Variants in ZNF540 observed in about 807,000 individuals in gnomAD.
The protein encoded by ZNF540 is CTD-3064H18.6.
In ZNF540, 3 loss-of-function variants were observed where a neutral mutation model predicts 11.8. The observed-to-expected ratio is 0.25, with a 90% CI of 0.12 to 0.65. The LOEUF is 0.65. Ranked by LOEUF, ZNF540 falls within the 30% of genes least tolerant of loss-of-function variation. The pLI, the probability that ZNF540 is intolerant of heterozygous loss-of-function variation, is 0.83. For missense variants in ZNF540, 709 were observed against 793.1 expected (o/e 0.89, Z 1.27); for synonymous variants, 247 against 259.0 (o/e 0.95, Z 0.45).
Position 37,612,276 on chromosome 19 carries a change from T to C in ZNF540, c.996T>C (p.Cys332=). The change falls in exon 5 of 5, where the codon TGT becomes TGC. Residue 332 remains cysteine, a synonymous_variant. Transcript: ENST00000316433. ...TGKKPYECKE[C]GKAFSVCGQL... ...AGAAACCCTATGAATGTAAGGAGTGTGGGAAAGCTTTTAGTGTATGCGGAC... is the reference window on the plus strand; with the variant it reads ...AGAAACCCTATGAATGTAAGGAGTGCGGGAAAGCTTTTAGTGTATGCGGAC... 1.2e-6 allele frequency: 2 copies of C among 1,614,034 alleles called. No individual in the cohort carries two copies. Among genetic ancestry groups the C allele is most frequent in the Non-Finnish European group, 1.7e-6 (2 of 1,180,010 alleles).
chr19:37,556,161 T>G, intron 1 of ZNF540: 1 of 701,822 alleles, frequency 1.4e-6, no homozygotes, highest in Non-Finnish European at 2.6e-6. Flanking sequence ...ACGGGCTGGC[T>G]CTGGGAACAG....
rs11540764 is a variant in ZNF540, at chr19:37,566,039, C to T, written c.-73+14374C>T. On this transcript the variant is annotated intron_variant, in intron 1 of 4. Transcript: ENST00000592533. ...CAATTTTTCCTTGGTAGGAATTATCCGATGAAAAGTAGAAGAGGTTGAATG... is the reference window on the plus strand; with the variant it reads ...CAATTTTTCCTTGGTAGGAATTATCTGATGAAAAGTAGAAGAGGTTGAATG... 5.5e-5 allele frequency: 88 copies of T among 1,613,872 alleles called. No individual in the cohort carries two copies. Among genetic ancestry groups the T allele is most frequent in the Middle Eastern group, 1.6e-4 (1 of 6,084 alleles).
At chr19:37,607,303 C>T (rs1242682307) in intron 4 of ZNF540, among the ~76,000 whole-genome samples, 1 of 152,144 alleles carries the variant, frequency 6.6e-6, no homozygotes, top group Non-Finnish European at 1.5e-5. Context: ...AGTTGATAAA[C>T]CTACATTGAC....
chr19:37,609,883 A>G (rs1568368700), intron 4 of ZNF540, among the ~76,000 whole-genome samples: 1 of 152,050 alleles, frequency 6.6e-6, no homozygotes, highest in African/African-American at 2.4e-5. Flanking sequence ...AAAGAAAAGA[A>G]AAAAACAGTA....
intron 1 of ZNF540, among the ~76,000 whole-genome samples, chr19:37,581,018 A>AT (rs991964639): frequency 6.6e-6 from 1 of 152,118 alleles, no homozygotes; most frequent in African/African-American, 2.4e-5. Flanking sequence ...CATCCACATA[A>AT]TTTTTTTCAA....
At chr19:37,605,145 A>G (rs1480665706) in intron 4 of ZNF540, among the ~76,000 whole-genome samples, 1 of 152,114 alleles carries the variant, frequency 6.6e-6, no homozygotes, top group Non-Finnish European at 1.5e-5. Context: ...TGAGGGTGGG[A>G]TTCATGGATT....
At chr19:37,568,214 A>G (rs1166016558) in intron 1 of ZNF540, among the ~76,000 whole-genome samples, 1 of 152,322 alleles carries the variant, frequency 6.6e-6, no homozygotes, top group African/African-American at 2.4e-5. Context: ...AATACACATC[A>G]GTAAGCTCAA....
chr19:37,557,561 C>T (rs1415991281), intron 1 of ZNF540, among the ~76,000 whole-genome samples: 1 of 152,202 alleles, frequency 6.6e-6, no homozygotes, highest in African/African-American at 2.4e-5. Flanking sequence ...GCCTTTCGTA[C>T]TCCCTGCTCG....
chr19:37,594,742 T>A (rs1401316495), upstream of ZNF540: 1 of 152,240 alleles, frequency 6.6e-6, no homozygotes, highest in African/African-American at 2.4e-5. Flanking sequence ...CCCACTCACC[T>A]GGCCGGCGCA....
rs1215943640 is a variant in ZNF540 at position 37,595,102 on chromosome 19, T to A, written c.-73+7T>A. 3 of 152,004 alleles carry A rather than the reference T, an allele frequency of 2.0e-5. No individual in the cohort carries two copies. Among genetic ancestry groups the A allele is most frequent in the African/African-American group, 7.3e-5 (3 of 41,352 alleles). 9.4% of individuals were successfully genotyped at this position (152,004 alleles called of 1,614,324 possible). Reference sequence around the variant, plus strand: ...AGCTGCAAAAGGCTGTCAGGTAAGGTCTGGATTTCTCTCTGACAGCTCTGG... The same window carrying A: ...AGCTGCAAAAGGCTGTCAGGTAAGGACTGGATTTCTCTCTGACAGCTCTGG... On this transcript the variant is annotated splice_region_variant and intron_variant, in intron 1 of 4. Coordinates refer to ENST00000316433, the MANE Select transcript of ZNF540 (RefSeq NM_001172225.3).
rs1568339349 is a variant in ZNF540 at position 37,565,019 on chromosome 19, CCATGAATTTTCTCAT to C, written c.-73+13355_-73+13369del. On this transcript the variant is annotated intron_variant, in intron 1 of 4. Coordinates refer to the ZNF540 transcript ENST00000592533. ...TTCCTTACATTCATAATGTTTCTCA[CCATGAATTTTCTCAT>C]GTTGAGTAAGATATGCAACACGAAT... The C allele has an allele frequency of 5.0e-6, 8 of 1,613,716 alleles. No homozygotes were observed. In the South Asian group the frequency reaches 8.8e-5, roughly 18 times the overall value.
rs544549932 is a variant in ZNF540 at position 37,613,188 on chromosome 19, G to T, written c.1908G>T (p.Glu636Asp). 1.2e-6 allele frequency: 2 copies of T among 1,608,478 alleles called. No homozygotes were observed. Among genetic ancestry groups the T allele is most frequent in the African/African-American group, 2.7e-5 (2 of 74,826 alleles). ...QRIHTGEKPY[E>D]CKVCRKAFRQ... Reference sequence around the variant, plus strand: ...TTCACACTGGTGAGAAACCCTATGAGTGTAAGGTATGTAGAAAGGCCTTTA... The same window carrying T: ...TTCACACTGGTGAGAAACCCTATGATTGTAAGGTATGTAGAAAGGCCTTTA... The change falls in exon 5 of 5, where the codon GAG (glutamate) becomes GAT (aspartate). Residue 636 changes from glutamate to aspartate, a missense_variant. By Grantham distance (45) the Glu-to-Asp change is conservative. Coordinates refer to ENST00000316433, the MANE Select transcript of ZNF540 (RefSeq NM_001172225.3).
rs192029722 is a variant in ZNF540 at position 37,570,426 on chromosome 19, T to C, written c.-73+18761T>C. ...CCTCCACCTCGCTTCACCTAACCTC[T>C]CCCAAGATAGACATAATTATAGCAA... is the stretch of plus-strand genomic sequence containing the variant. On this transcript the variant is annotated intron_variant, in intron 1 of 4. Transcript: ENST00000592533. 1.1e-3 allele frequency among the ~76,000 whole-genome samples: 162 copies of C among 152,118 alleles called. 3 individuals carry two copies. The highest frequency in any genetic ancestry group is 3.8e-3 in the African/African-American group (156 of 41,490).
At position 37,565,047 on chromosome 19, in the gene ZNF540, A is replaced by G. The variant is rs147631241; in HGVS notation, c.-73+13382A>G. 3.7e-6 allele frequency: 6 copies of G among 1,613,664 alleles called. No homozygotes were observed. In the African/African-American group the frequency reaches 6.7e-5, roughly 18 times the overall value. ...TGAATTTTCTCATGTTGAGTAAGATATGCAACACGAATAAAGGCCTTTCCA... is the reference window on the plus strand; with the variant it reads ...TGAATTTTCTCATGTTGAGTAAGATGTGCAACACGAATAAAGGCCTTTCCA... On this transcript the variant is annotated intron_variant, in intron 1 of 4. Transcript: ENST00000592533.
At chr19:37,604,869 T>C (rs2044071116) in intron 4 of ZNF540, among the ~76,000 whole-genome samples, 1 of 152,208 alleles carries the variant, frequency 6.6e-6, no homozygotes, top group Admixed American at 6.5e-5. Flanking sequence ...TTTTCTACAA[T>C]TTCATATCAA....
chr19:37,561,048 CAAAAAAAAAA>C (rs199892724), intron 1 of ZNF540, among the ~76,000 whole-genome samples: 69 of 73,780 alleles, frequency 9.4e-4, no homozygotes, highest in Non-Finnish European at 1.9e-3. Context: ...CCTGTCTCTA[CAAAAAAAAAA>C]AAAAAAAAAA....
chr19:37,589,131 C>T (rs759605268), intron 1 of ZNF540, among the ~76,000 whole-genome samples: 4 of 140,488 alleles, frequency 2.8e-5, no homozygotes, highest in South Asian at 2.3e-4. Context: ...ACCCAGTAGG[C>T]GGAGGTTGCA....
intron 4 of ZNF540, among the ~76,000 whole-genome samples, chr19:37,601,528 T>A (rs992976184): frequency 1.3e-5 from 2 of 152,116 alleles, no homozygotes; most frequent in Non-Finnish European, 2.9e-5. Flanking sequence ...GGCCAAAACC[T>A]CCCTACACTA....
chr19:37,553,522 T>C (rs769920162), intron 1 of ZNF540, among the ~76,000 whole-genome samples: 1 of 152,218 alleles, frequency 6.6e-6, no homozygotes, highest in Non-Finnish European at 1.5e-5. Context: ...CATCTTGCTC[T>C]TTATTCTGTT....
Sources: gnomAD v4.1 joint callset for allele counts (sites outside exome capture counted in the v4.1 genomes callset) on GRCh38, gnomAD v4.1.1 for gene constraint, MANE v1.5 for transcripts, NCBI Gene and HGNC (gene_info 2026-07-23, HGNC 2026-07-21) for gene names.